Variants in GRIP1 observed in about 807,000 individuals in gnomAD.
GRIP1 encodes glutamate receptor-interacting protein 1.
A neutral mutation model predicts 129.9 loss-of-function variants in GRIP1; 45 were observed. The observed-to-expected ratio is 0.35, with a 90% confidence interval of 0.27 to 0.44. The LOEUF (loss-of-function observed/expected upper bound fraction) is 0.44. Ranked by LOEUF, GRIP1 falls within the 20% of genes least tolerant of loss-of-function variation. The pLI is 1.00. For missense variants in GRIP1, 1,196 were observed against 1,396.8 expected, an observed-to-expected ratio of 0.86 and a Z score of 2.29; for synonymous variants, 530 against 520.8, an observed-to-expected ratio of 1.02 and a Z score of -0.24.
chr12:66,754,457 T>G (rs950711465), intron 1 of GRIP1, among the ~76,000 whole-genome samples: 1 of 152,136 alleles, frequency 6.6e-6, no homozygotes, highest in African/African-American at 2.4e-5. Flanking sequence ...TCCACACACA[T>G]GCACACACAG....
intron 1 of GRIP1, among the ~76,000 whole-genome samples, chr12:67,056,004 A>G (rs1302199023): frequency 2.0e-5 from 3 of 152,120 alleles, no homozygotes; most frequent in African/African-American, 7.2e-5. Context: ...TTACAGCAAG[A>G]AGGTGAGGGG....
At chr12:66,678,315 T>C (rs1019866635) in intron 1 of GRIP1, among the ~76,000 whole-genome samples, 1 of 152,146 alleles carries the variant, frequency 6.6e-6, no homozygotes, top group Non-Finnish European at 1.5e-5. Context: ...GACCAAAGCA[T>C]TTGGAATTAC....
At chr12:66,564,477 T>C (rs2062668541) in intron 2 of GRIP1, among the ~76,000 whole-genome samples, 6 of 152,138 alleles carry the variant, frequency 3.9e-5, no homozygotes. Context: ...TATGGCTGCA[T>C]AGTATTCCAT....
At chr12:67,000,733 T>C (rs2042539264) in intron 1 of GRIP1, among the ~76,000 whole-genome samples, 1 of 152,200 alleles carries the variant, frequency 6.6e-6, no homozygotes, top group Admixed American at 6.5e-5. Context: ...CTGTTACAAT[T>C]CTTCTCTGTT....
intron 1 of GRIP1, among the ~76,000 whole-genome samples, chr12:66,731,705 T>A (rs2036442806): frequency 1.3e-5 from 2 of 152,192 alleles, no homozygotes; most frequent in African/African-American, 4.8e-5. Flanking sequence ...TGTGCAACAA[T>A]GTGAAGGTGC....
At chr12:66,896,643 G>C (rs901335932) in intron 1 of GRIP1, among the ~76,000 whole-genome samples, 1 of 152,268 alleles carries the variant, frequency 6.6e-6, no homozygotes, top group African/African-American at 2.4e-5. Flanking sequence ...TGTGGTTGTG[G>C]TATAAGTTAA....
At chr12:66,496,105 G>A (rs1211874985) in intron 7 of GRIP1, among the ~76,000 whole-genome samples, 1 of 151,854 alleles carries the variant, frequency 6.6e-6, no homozygotes, top group Non-Finnish European at 1.5e-5. Context: ...ACCTCTTGAG[G>A]GCCACAAGCT....
intron 1 of GRIP1, among the ~76,000 whole-genome samples, chr12:66,985,891 C>T (rs938469817): frequency 3.9e-5 from 6 of 152,158 alleles, no homozygotes; most frequent in Non-Finnish European, 7.4e-5. Context: ...CAGGCAGTAA[C>T]AGTTATTGAT....
chr12:67,045,087 T>C (rs1320889654), intron 1 of GRIP1, among the ~76,000 whole-genome samples: 1 of 152,194 alleles, frequency 6.6e-6, no homozygotes, highest in Non-Finnish European at 1.5e-5. Flanking sequence ...CGCTCAACAC[T>C]ACTTGAGCTA....
chr12:66,717,626 A>C (rs1387173799), intron 1 of GRIP1, among the ~76,000 whole-genome samples: 1 of 152,120 alleles, frequency 6.6e-6, no homozygotes, highest in Non-Finnish European at 1.5e-5. Flanking sequence ...AGAGAATTAA[A>C]AATGTAATCT....
At chr12:66,383,614 G>A (rs891291092) in intron 19 of GRIP1, among the ~76,000 whole-genome samples, 13 of 152,166 alleles carry the variant, frequency 8.5e-5, no homozygotes, top group African/African-American at 2.4e-4. Flanking sequence ...CTGCTGTGCT[G>A]TGCGGTAAGC....
At chr12:66,522,312 G>C (rs2061042643) in intron 5 of GRIP1, among the ~76,000 whole-genome samples, 1 of 152,208 alleles carries the variant, frequency 6.6e-6, no homozygotes, top group South Asian at 2.1e-4. Flanking sequence ...ACTTCCAGAG[G>C]AACGATCAGG....
intron 11 of GRIP1, 125 bp downstream of exon 11, chr12:66,455,284 G>A: frequency 1.1e-6 from 1 of 888,526 alleles, no homozygotes; most frequent in Non-Finnish European, 1.9e-6. Flanking sequence ...GCTGTTAGCT[G>A]CTCAGCATCT....
upstream of GRIP1, among the ~76,000 whole-genome samples, chr12:66,679,444 C>CAAA (rs10691128): frequency 5.0e-3 from 585 of 117,294 alleles, 2 homozygotes; most frequent in East Asian, 7.8e-3. Flanking sequence ...AAACAACAAC[C>CAAA]AAAAAAAAAA....
At chr12:66,802,969 T>C (rs1261925066) in intron 1 of GRIP1, among the ~76,000 whole-genome samples, 4 of 152,328 alleles carry the variant, frequency 2.6e-5, no homozygotes, top group South Asian at 2.1e-4. Flanking sequence ...AAATATCAAA[T>C]AATTACAATT....
intron 1 of GRIP1, among the ~76,000 whole-genome samples, chr12:66,699,316 G>C (rs890833861): frequency 1.3e-5 from 2 of 152,176 alleles, no homozygotes; most frequent in African/African-American, 4.8e-5. Context: ...AGAAACAACA[G>C]AGAGTGATAT....
chr12:66,787,821 A>AC (rs2038402015), intron 1 of GRIP1, among the ~76,000 whole-genome samples: 2 of 152,138 alleles, frequency 1.3e-5, no homozygotes, highest in South Asian at 2.1e-4. Flanking sequence ...GAACTAAGAT[A>AC]CCCCCCAAAA....
At position 66,348,679 on chromosome 12, in the gene GRIP1, TCAAA is replaced by T. The variant is rs959196182; in HGVS notation, c.*336_*339del. The T allele has an allele frequency of 1.1e-5, 3 of 282,530 alleles. No individual in the cohort carries two copies. The highest frequency in any genetic ancestry group is 2.0e-5 in the Non-Finnish European group (3 of 147,988). The allele number at this position is 282,530 out of a possible 1,614,324, so 17.5% of individuals were successfully genotyped here. ...AAGGAAATCATCACAGAGAATATTT[TCAAA>T]CAGATGTTTCTCTTTTTAAAAAGTG... On this transcript the variant is annotated 3_prime_UTR_variant, in exon 25 of 25. Coordinates refer to ENST00000359742, the MANE Select transcript of GRIP1 (RefSeq NM_001366722.1).
chr12:66,425,222 T>C (rs112203880), intron 14 of GRIP1, among the ~76,000 whole-genome samples: 1 of 152,156 alleles, frequency 6.6e-6, no homozygotes, highest in Non-Finnish European at 1.5e-5. Flanking sequence ...GCTTCCAGAG[T>C]TGTTGTTGAA....
Sources: gnomAD v4.1 joint callset for allele counts (sites outside exome capture counted in the v4.1 genomes callset) on GRCh38, gnomAD v4.1.1 for gene constraint, MANE v1.5 for transcripts, NCBI Gene and HGNC (gene_info 2026-07-23, HGNC 2026-07-21) for gene names.